Variants in DLG2 observed in about 807,000 individuals in gnomAD.
DLG2 encodes the protein discs large MAGUK scaffold protein 2.
DLG2 carries 45 observed loss-of-function variants against 132.5 expected under a neutral mutation model. That is an observed-to-expected ratio of 0.34 (90% CI 0.27 to 0.44). The LOEUF is 0.44. DLG2 is among the 20% of genes least tolerant of loss of function. The pLI is 1.00. For missense variants in DLG2, 1,045 were observed against 1,196.9 expected, an observed-to-expected ratio of 0.87 and a Z score of 1.87; for synonymous variants, 424 against 419.6, an observed-to-expected ratio of 1.01 and a Z score of -0.13.
At chr11:84,640,751 C>T (rs1276301720) in intron 6 of DLG2, among the ~76,000 whole-genome samples, 1 of 152,062 alleles carries the variant, frequency 6.6e-6, no homozygotes, top group Non-Finnish European at 1.5e-5. Flanking sequence ...ACCAGCCTGA[C>T]CAACGTGGTG....
chr11:85,477,370 T>A (rs1266357233), intron 3 of DLG2, among the ~76,000 whole-genome samples: 1 of 152,200 alleles, frequency 6.6e-6, no homozygotes, highest in Admixed American at 6.5e-5. Flanking sequence ...AACATGTTTG[T>A]GACTTGAAGG....
chr11:84,095,505 C>T (rs2097153611), intron 10 of DLG2, among the ~76,000 whole-genome samples: 1 of 152,162 alleles, frequency 6.6e-6, no homozygotes, highest in African/African-American at 2.4e-5. Flanking sequence ...AAAACATACT[C>T]CTCATGGCTT....
At chr11:83,592,801 AAAAC>A (rs950080819) in intron 19 of DLG2, among the ~76,000 whole-genome samples, 3 of 149,414 alleles carry the variant, frequency 2.0e-5, no homozygotes, top group Non-Finnish European at 3.0e-5. Flanking sequence ...TTACAAGAAA[AAAAC>A]AAACAACCCC....
chr11:85,428,067 G>C (rs1037857134), intron 3 of DLG2, among the ~76,000 whole-genome samples: 5 of 152,194 alleles, frequency 3.3e-5, no homozygotes, highest in Non-Finnish European at 7.3e-5. Context: ...AATTCAACAA[G>C]AAGAGCTAAC....
intron 9 of DLG2, among the ~76,000 whole-genome samples, chr11:84,158,071 GT>G (rs34592660): frequency 0.076 from 11,198 of 147,370 alleles, 596 homozygotes; most frequent in African/African-American, 0.15. Context: ...TGTTTTTTTG[GT>G]TTTTTTTTTG....
rs558014515 is a variant in DLG2, at chr11:83,919,845, C to T, written c.1496+10483G>A. 6.6e-5 allele frequency among the ~76,000 whole-genome samples: 10 copies of T among 152,166 alleles called. 1 individual carries two copies. In the South Asian group the frequency reaches 1.2e-3, roughly 19 times the overall value. ...TGGAATAATATCTTTACAATTATGC[C>T]GGAGGCATAGGAAAGAAAACAGAGC... On this transcript the variant is annotated intron_variant, in intron 15 of 27. Transcript: ENST00000376104.
At position 83,864,751 on chromosome 11, in the gene DLG2, A is replaced by T. The variant is rs182654393; in HGVS notation, c.1565+9669T>A. ...TTTAAACTCTCTTATAATTGGTCAG[A>T]AGAAGGAAGTAAACAGAAATCCTGA... On this transcript the variant is annotated intron_variant, in intron 16 of 27. Coordinates refer to ENST00000376104, the MANE Select transcript of DLG2 (RefSeq NM_001142699.3). Among the ~76,000 whole-genome samples, 703 of 152,276 alleles carry T rather than the reference A, an allele frequency of 4.6e-3. 2 individuals carry two copies. Among genetic ancestry groups the T allele is most frequent in the Middle Eastern group, 0.014 (4 of 294 alleles).
intron 3 of DLG2, among the ~76,000 whole-genome samples, chr11:85,517,384 C>T (rs1477658666): frequency 2.6e-5 from 4 of 152,080 alleles, no homozygotes; most frequent in Non-Finnish European, 5.9e-5. Context: ...GACAATGACT[C>T]CTACTTTCAC....
chr11:83,607,488 C>T (rs188077620), intron 19 of DLG2, among the ~76,000 whole-genome samples: 7 of 152,264 alleles, frequency 4.6e-5, no homozygotes, highest in African/African-American at 7.2e-5. Flanking sequence ...GGACTCCTCC[C>T]GTCCATCCAC....
At chr11:83,569,485 T>A (rs1335828968) in intron 19 of DLG2, among the ~76,000 whole-genome samples, 2 of 152,202 alleles carry the variant, frequency 1.3e-5, no homozygotes, top group African/African-American at 4.8e-5. Context: ...TTCAACATTT[T>A]AATCCTCATT....
At chr11:85,509,523 CAGGAT>C (rs1163419514) in intron 3 of DLG2, among the ~76,000 whole-genome samples, 1 of 152,042 alleles carries the variant, frequency 6.6e-6, no homozygotes, top group African/African-American at 2.4e-5. Context: ...AATCTAAGGA[CAGGAT>C]ATGTATAGCC....
At chr11:84,293,187 T>G (rs2098032380) in intron 7 of DLG2, among the ~76,000 whole-genome samples, 2 of 152,060 alleles carry the variant, frequency 1.3e-5, no homozygotes, top group South Asian at 4.1e-4. Flanking sequence ...GGAAGTATTC[T>G]GGCAGCTTTA....
intron 9 of DLG2, among the ~76,000 whole-genome samples, chr11:84,115,075 G>A (rs1355884877): frequency 2.0e-5 from 3 of 152,218 alleles, no homozygotes; most frequent in Non-Finnish European, 4.4e-5. Context: ...CCCATTGGCA[G>A]TGGTAAGGAT....
chr11:85,258,315 CTATTA>C (rs2076771275), intron 4 of DLG2, among the ~76,000 whole-genome samples: 1 of 152,020 alleles, frequency 6.6e-6, no homozygotes. Flanking sequence ...GTGGTATTTT[CTATTA>C]TATGTGTAAT....
At chr11:83,626,727 G>A (rs2062596926) in intron 19 of DLG2, among the ~76,000 whole-genome samples, 1 of 152,150 alleles carries the variant, frequency 6.6e-6, no homozygotes, top group Non-Finnish European at 1.5e-5. Context: ...TAGGAAGACT[G>A]ATAACATATA....
rs528803215 is a variant in DLG2 at position 85,383,995 on chromosome 11, T to C, written c.41-98630A>G. Among the ~76,000 whole-genome samples the C allele has an allele frequency of 1.3e-4, 20 of 152,316 alleles. No homozygotes were observed. The South Asian group carries it at 2.5e-3, about 19-fold the overall frequency. ...GAAATGCCATTGCTTTTTCTGATTC[T>C]CCTTCAAAATCAGGTTCTGACTCTA... is the stretch of plus-strand genomic sequence containing the variant. On this transcript the variant is annotated intron_variant, in intron 3 of 27. Transcript: ENST00000376104.
At chr11:85,541,787 C>T (rs1047033880) in intron 3 of DLG2, among the ~76,000 whole-genome samples, 2 of 152,160 alleles carry the variant, frequency 1.3e-5, no homozygotes, top group African/African-American at 4.8e-5. Flanking sequence ...TACTCCTCTG[C>T]CTCCCTTTCT....
At chr11:84,625,931 G>A (rs2099621773) in intron 6 of DLG2, among the ~76,000 whole-genome samples, 2 of 152,050 alleles carry the variant, frequency 1.3e-5, no homozygotes, top group African/African-American at 2.4e-5. Context: ...AAATTTAGTG[G>A]GATCCTTAGG....
At chr11:84,877,116 A>G (rs1354023159) in intron 6 of DLG2, among the ~76,000 whole-genome samples, 1 of 152,176 alleles carries the variant, frequency 6.6e-6, no homozygotes, top group Admixed American at 6.5e-5. Flanking sequence ...TATGTGGTCA[A>G]TTTTAGAATA....
Sources: allele counts gnomAD v4.1 joint callset (sites outside exome capture counted in the v4.1 genomes callset), GRCh38; gene constraint gnomAD v4.1.1; transcripts MANE v1.5; gene names NCBI Gene and HGNC (gene_info 2026-07-23, HGNC 2026-07-21).